Variants in CDH13 observed in about 807,000 individuals in gnomAD.
CDH13 encodes cadherin 13, also known as cadherin-13.
A neutral mutation model predicts 63.8 loss-of-function variants in CDH13; 24 were observed. The ratio of observed to expected loss-of-function variants is 0.38; its 90% CI spans 0.27 to 0.53. CDH13 has a LOEUF of 0.53. Ranked by LOEUF, CDH13 falls within the 20% of genes least tolerant of loss-of-function variation. CDH13 has a pLI of 0.85. For missense variants in CDH13, 1,049 were observed against 903.1 expected (o/e 1.16, Z -2.07); for synonymous variants, 503 against 355.3 (o/e 1.42, Z -4.67).
intron 10 of CDH13, among the ~76,000 whole-genome samples, chr16:83,715,767 G>A (rs1908805654): frequency 6.6e-6 from 1 of 152,160 alleles, no homozygotes; most frequent in Non-Finnish European, 1.5e-5. Context: ...CTTGGCTTGG[G>A]TCAGGGCCCA....
At chr16:83,291,462 C>G (rs1205294620) in intron 5 of CDH13, among the ~76,000 whole-genome samples, 1 of 152,134 alleles carries the variant, frequency 6.6e-6, no homozygotes, top group Non-Finnish European at 1.5e-5. Context: ...CCTGATAGTG[C>G]AAAATTGGGA....
At chr16:82,711,847 C>T (rs969163576) in intron 1 of CDH13, among the ~76,000 whole-genome samples, 1 of 152,194 alleles carries the variant, frequency 6.6e-6, no homozygotes, top group South Asian at 2.1e-4. Flanking sequence ...GTTTAATCTT[C>T]ACAACGGTGC....
At chr16:83,667,148 G>T (rs1241599234) in intron 8 of CDH13, among the ~76,000 whole-genome samples, 1 of 152,050 alleles carries the variant, frequency 6.6e-6, no homozygotes, top group Non-Finnish European at 1.5e-5. Flanking sequence ...TAGATGGATG[G>T]CAGGTAAATG....
chr16:82,952,222 C>T (rs115348338), intron 2 of CDH13, among the ~76,000 whole-genome samples: 1,996 of 152,276 alleles, frequency 0.013, 36 homozygotes, highest in African/African-American at 0.037. Context: ...AGCGCATGGG[C>T]CTGAGTTCAA....
chr16:82,765,805 C>T (rs562709024), intron 1 of CDH13, among the ~76,000 whole-genome samples: 6 of 152,228 alleles, frequency 3.9e-5, no homozygotes, highest in Middle Eastern at 3.4e-3. Context: ...TTTCATTGAG[C>T]ATCTACATAG....
At chr16:82,689,882 C>T (rs573001788) in intron 1 of CDH13, among the ~76,000 whole-genome samples, 9 of 147,934 alleles carry the variant, frequency 6.1e-5, no homozygotes, top group South Asian at 4.3e-4. Flanking sequence ...CAGTGGCTCA[C>T]GCCTATAATC....
chr16:82,860,157 T>C (rs2039878626), intron 2 of CDH13, among the ~76,000 whole-genome samples: 1 of 152,138 alleles, frequency 6.6e-6, no homozygotes, highest in Non-Finnish European at 1.5e-5. Flanking sequence ...TTATCCCAAA[T>C]GGCATCTATG....
At chr16:83,018,396 TTTAATGGG>T (rs1424490898) in intron 2 of CDH13, among the ~76,000 whole-genome samples, 1 of 152,188 alleles carries the variant, frequency 6.6e-6, no homozygotes, top group Non-Finnish European at 1.5e-5. Flanking sequence ...AAATGATGTT[TTTAATGGG>T]TTAATGGATG....
chr16:83,768,675 A>G (rs2150995407), intron 11 of CDH13, among the ~76,000 whole-genome samples: 1 of 152,332 alleles, frequency 6.6e-6, no homozygotes, highest in East Asian at 1.9e-4. Flanking sequence ...TATGCTAAAC[A>G]AAGGGTGAAT....
intron 2 of CDH13, among the ~76,000 whole-genome samples, chr16:82,922,326 G>A (rs1225367690): frequency 6.6e-6 from 1 of 152,178 alleles, no homozygotes; most frequent in Non-Finnish European, 1.5e-5. Flanking sequence ...AACTAGGAAA[G>A]GTAAGGAAAG....
At chr16:83,600,919 C>G (rs1051354482) in intron 7 of CDH13, among the ~76,000 whole-genome samples, 1 of 152,012 alleles carries the variant, frequency 6.6e-6, no homozygotes, top group African/African-American at 2.4e-5. Context: ...TGCCTTTGTT[C>G]TTGGATGCAG....
chr16:83,395,662 T>A (rs1294982942), intron 6 of CDH13, among the ~76,000 whole-genome samples: 2 of 152,124 alleles, frequency 1.3e-5, no homozygotes, highest in African/African-American at 4.8e-5. Context: ...AGGTCAGTAG[T>A]GATAGCAGGC....
chr16:83,195,559 C>A lies in CDH13; in HGVS notation c.484-21786C>A, dbSNP rs557315264. Among the ~76,000 whole-genome samples, 10 of 152,050 alleles carry A rather than the reference C, an allele frequency of 6.6e-5. No individual in the cohort carries two copies. In the East Asian group the frequency reaches 9.7e-4, roughly 15 times the overall value. On this transcript the variant is annotated intron_variant, in intron 4 of 13. Coordinates refer to ENST00000567109, the MANE Select transcript of CDH13 (RefSeq NM_001257.5). ...ACCAGATCTCCTGAGAACTCTATCA[C>A]GAGAATAGCACTAGGAGGGTGGTGC... is the stretch of plus-strand genomic sequence containing the variant.
At chr16:83,171,304 C>T (rs1427159714) in intron 4 of CDH13, among the ~76,000 whole-genome samples, 1 of 152,084 alleles carries the variant, frequency 6.6e-6, no homozygotes, top group Non-Finnish European at 1.5e-5. Context: ...AGAACTCTAT[C>T]ATGAGAACAG....
At chr16:83,627,965 G>C (rs62040227) in intron 8 of CDH13, among the ~76,000 whole-genome samples, 5,031 of 152,258 alleles carry the variant, frequency 0.033, 132 homozygotes, top group Non-Finnish European at 0.049. Context: ...ACCGTATAGG[G>C]TAACTTCCTG....
chr16:83,278,425 A>G lies in CDH13; in HGVS notation c.636+60928A>G, dbSNP rs1372831692. On this transcript the variant is annotated intron_variant, in intron 5 of 13. Coordinates refer to ENST00000567109, the MANE Select transcript of CDH13 (RefSeq NM_001257.5). ...TGGGGAAAGGTAGCAGTATTGTGGT[A>G]AAGGTTTAATGAATGGCTTGGAGGA... Among the ~76,000 whole-genome samples the G allele has an allele frequency of 2.0e-5, 3 of 152,354 alleles. No homozygotes were observed. In the East Asian group the frequency reaches 5.8e-4, roughly 29 times the overall value.
intron 7 of CDH13, among the ~76,000 whole-genome samples, chr16:83,512,466 T>C (rs914128296): frequency 6.6e-6 from 1 of 150,778 alleles, no homozygotes; most frequent in Non-Finnish European, 1.5e-5. Context: ...GTCAGGAGTT[T>C]GAGACCAGCC....
chr16:83,470,970 G>A (rs1359507259), intron 6 of CDH13, among the ~76,000 whole-genome samples: 3 of 152,038 alleles, frequency 2.0e-5, no homozygotes, highest in Non-Finnish European at 4.4e-5. Flanking sequence ...CCAGCTTCTC[G>A]GGTCACCTGC....
chr16:82,810,008 A>C (rs983085366), intron 1 of CDH13, among the ~76,000 whole-genome samples: 1 of 152,188 alleles, frequency 6.6e-6, no homozygotes, highest in Admixed American at 6.6e-5. Context: ...AATGTCCCTC[A>C]TGGAGGAAGC....
Sources: allele counts gnomAD v4.1 joint callset (sites outside exome capture counted in the v4.1 genomes callset), GRCh38; gene constraint gnomAD v4.1.1; transcripts MANE v1.5; gene names NCBI Gene and HGNC (gene_info 2026-07-23, HGNC 2026-07-21).